The following GRAMD1C variants were observed in gnomAD, a reference collection of about 807,000 sequenced individuals.
GRAMD1C encodes the protein GRAM domain containing 1C.
GRAMD1C carries 89 observed loss-of-function variants against 97.8 expected under a neutral mutation model. The ratio of observed to expected loss-of-function variants is 0.91; its 90% CI spans 0.77 to 1.09. GRAMD1C has a LOEUF of 1.09. GRAMD1C is among the 50% of genes least tolerant of loss of function. The pLI is 0.00. For synonymous variants in GRAMD1C, 256 were observed against 267.0 expected, an observed-to-expected ratio of 0.96 and a Z score of 0.40; for missense variants, 740 against 766.4, an observed-to-expected ratio of 0.97 and a Z score of 0.41.
At chr3:113,880,098 A>G (rs1935203519) in intron 5 of GRAMD1C, among the ~76,000 whole-genome samples, 2 of 151,956 alleles carry the variant, frequency 1.3e-5, no homozygotes, top group African/African-American at 4.8e-5. Context: ...TCTCTTTTCC[A>G]CCAATAGCTT....
chr3:113,937,206 T>C (rs1032956632), intron 14 of GRAMD1C, among the ~76,000 whole-genome samples: 1 of 152,232 alleles, frequency 6.6e-6, no homozygotes, highest in Non-Finnish European at 1.5e-5. Context: ...TAATAACTGT[T>C]ATTCCCTTCC....
chr3:113,880,929 A>G (rs138768356), intron 5 of GRAMD1C, among the ~76,000 whole-genome samples: 12 of 152,204 alleles, frequency 7.9e-5, no homozygotes, highest in African/African-American at 2.6e-4. Flanking sequence ...TGTTAACTCA[A>G]TGATTTCATT....
At chr3:113,887,104 T>A (rs2107413436) in intron 6 of GRAMD1C, among the ~76,000 whole-genome samples, 1 of 141,900 alleles carries the variant, frequency 7.0e-6, no homozygotes, top group Non-Finnish European at 1.5e-5. Flanking sequence ...TTGTTTTTTT[T>A]TTTTTTTGAG....
At chr3:113,919,377 A>G in intron 10 of GRAMD1C, 1 of 503,830 alleles carries the variant, frequency 2.0e-6, no homozygotes, top group Admixed American at 2.2e-5. Flanking sequence ...GGGAAGGTAA[A>G]TGTAGCCTTT....
chr3:113,888,828 A>G (rs1935607930), intron 6 of GRAMD1C, among the ~76,000 whole-genome samples: 1 of 152,254 alleles, frequency 6.6e-6, no homozygotes, highest in African/African-American at 2.4e-5. Context: ...CTTGTACCCC[A>G]ATGTTCATAG....
intron 6 of GRAMD1C, among the ~76,000 whole-genome samples, chr3:113,891,860 C>G (rs1372120328): frequency 1.3e-5 from 2 of 151,462 alleles, no homozygotes; most frequent in Non-Finnish European, 2.9e-5. Flanking sequence ...GCACTCCAGC[C>G]TGGTTGACAG....
upstream of GRAMD1C, among the ~76,000 whole-genome samples, chr3:113,835,710 A>G (rs765099343): frequency 3.9e-5 from 6 of 152,226 alleles, no homozygotes; most frequent in Non-Finnish European, 7.3e-5. Flanking sequence ...ATTAGTCAGC[A>G]TAGGGACATA....
chr3:113,935,858 T>C (rs7626657), intron 13 of GRAMD1C, among the ~76,000 whole-genome samples: 56,625 of 152,014 alleles, frequency 0.37, 10,807 homozygotes, highest in Middle Eastern at 0.44. Flanking sequence ...TCCTTTCTTG[T>C]AAACCTTTGT....
Position 113,940,072 on chromosome 3 carries a change from G to T in GRAMD1C, c.1802+76G>T, listed in dbSNP as rs1023346298. On this transcript the variant is annotated intron_variant, in intron 16 of 17. Transcript: ENST00000358160. ...TTCAGTTGCAGAAAACTTAATTTCAGTTTCAGAGACTGTGGTCTGCTAACT... is the reference window on the plus strand; with the variant it reads ...TTCAGTTGCAGAAAACTTAATTTCATTTTCAGAGACTGTGGTCTGCTAACT... 3.2e-6 allele frequency: 3 copies of T among 943,460 alleles called. No homozygotes were observed. The Admixed American group carries it at 5.3e-5, about 17-fold the overall frequency. The allele number at this position is 943,460 out of a possible 1,614,324, so 58.4% of individuals were successfully genotyped here. A position where few individuals can be genotyped will look rare whatever the true frequency, so the allele number is the denominator to read the frequency against.
At chr3:113,845,566 G>C (rs1337399225) in intron 2 of GRAMD1C, among the ~76,000 whole-genome samples, 11 of 152,094 alleles carry the variant, frequency 7.2e-5, no homozygotes, top group Non-Finnish European at 1.5e-5. Context: ...AGGCGTGGTG[G>C]CACATGCCTA....
chr3:113,898,944 A>G (rs1432161624), intron 6 of GRAMD1C, among the ~76,000 whole-genome samples: 3 of 152,094 alleles, frequency 2.0e-5, no homozygotes, highest in Non-Finnish European at 4.4e-5. Flanking sequence ...TTTTGTTCTT[A>G]ATATCTTTGA....
chr3:113,864,913 G>A (rs548080099), intron 2 of GRAMD1C, among the ~76,000 whole-genome samples: 2 of 152,218 alleles, frequency 1.3e-5, no homozygotes, highest in Admixed American at 1.3e-4. Context: ...TATTGTAATA[G>A]CAACAACCCT....
chr3:113,895,002 G>C (rs1935880988), intron 6 of GRAMD1C, among the ~76,000 whole-genome samples: 1 of 152,190 alleles, frequency 6.6e-6, no homozygotes. Context: ...TGTATAAAAA[G>C]AAAGAATATA....
intron 10 of GRAMD1C, chr3:113,920,004 A>AT: frequency 2.8e-6 from 2 of 701,898 alleles, no homozygotes; most frequent in Non-Finnish European, 2.6e-6. Context: ...CAACAATCAG[A>AT]TGTGAACCAA....
intron 6 of GRAMD1C, chr3:113,890,759 T>C (rs1182475758): frequency 1.4e-6 from 1 of 700,224 alleles, no homozygotes; most frequent in Non-Finnish European, 2.6e-6. Context: ...ATCACACACA[T>C]GTGAGTTGGG....
chr3:113,829,328 G>T (rs1332776426), intron 1 of GRAMD1C, among the ~76,000 whole-genome samples: 1 of 152,158 alleles, frequency 6.6e-6, no homozygotes, highest in African/African-American at 2.4e-5. Flanking sequence ...TGGGCCTGTG[G>T]CCCCAGGTAC....
chr3:113,932,019 T>C (rs75516325), intron 11 of GRAMD1C, among the ~76,000 whole-genome samples: 1,589 of 152,310 alleles, frequency 0.01, 22 homozygotes, highest in African/African-American at 0.036. Context: ...GCCAAATAAC[T>C]AGATGGCTGC....
chr3:113,916,214 G>A (rs1936805058), intron 10 of GRAMD1C, among the ~76,000 whole-genome samples: 1 of 152,142 alleles, frequency 6.6e-6, no homozygotes, highest in Admixed American at 6.6e-5. Flanking sequence ...ACTACTAAAG[G>A]TATGAATTCT....
chr3:113,870,352 AC>A (rs1206503754), intron 3 of GRAMD1C, among the ~76,000 whole-genome samples: 13 of 150,820 alleles, frequency 8.6e-5, no homozygotes, highest in African/African-American at 3.2e-4. Context: ...ACAGAGTGAG[AC>A]CCTGACCCAC....
Sources: allele counts gnomAD v4.1 joint callset (sites outside exome capture counted in the v4.1 genomes callset), GRCh38; gene constraint gnomAD v4.1.1; transcripts MANE v1.5; gene names NCBI Gene and HGNC (gene_info 2026-07-23, HGNC 2026-07-21).